Variants in EML5 observed in about 807,000 individuals in gnomAD.
The protein encoded by EML5 is echinoderm microtubule-associated protein-like 5.
EML5 carries 120 observed loss-of-function variants against 250.0 expected under a neutral mutation model. The ratio of observed to expected loss-of-function variants is 0.48; its 90% CI spans 0.41 to 0.56. The LOEUF is 0.56. EML5 is among the 20% of genes least tolerant of loss of function. The pLI, the probability that EML5 is intolerant of heterozygous loss-of-function variation, is 0.00. For synonymous variants in EML5, 771 were observed against 806.5 expected (o/e 0.96, Z 0.75); for missense variants, 2,006 against 2,437.6 (o/e 0.82, Z 3.73).
chr14:88,621,039 T>C (rs2088823163), intron 38 of EML5, 74 bp downstream of exon 38: 1 of 1,502,744 alleles, frequency 6.7e-7, no homozygotes, highest in Admixed American at 2.3e-5. Flanking sequence ...GTTCTTTAAG[T>C]ACTAGCAATT....
At chr14:88,706,630 A>G (rs1172240432) in intron 10 of EML5, among the ~76,000 whole-genome samples, 1 of 152,188 alleles carries the variant, frequency 6.6e-6, no homozygotes, top group Non-Finnish European at 1.5e-5. Context: ...AAGGAACCAC[A>G]AAGGCTGTGA....
At chr14:88,693,270 G>A (rs1273420362) in intron 17 of EML5, among the ~76,000 whole-genome samples, 2 of 152,150 alleles carry the variant, frequency 1.3e-5, no homozygotes. Context: ...ACATACCCAG[G>A]ACTGGGTAAT....
At chr14:88,674,585 A>G (rs760608315) in intron 21 of EML5, among the ~76,000 whole-genome samples, 1 of 152,136 alleles carries the variant, frequency 6.6e-6, no homozygotes, top group Non-Finnish European at 1.5e-5. Flanking sequence ...TGAATTCGAG[A>G]TGAGATTTGG....
At chr14:88,674,381 C>T (rs758715872) in intron 21 of EML5, among the ~76,000 whole-genome samples, 5 of 152,164 alleles carry the variant, frequency 3.3e-5, no homozygotes, top group Non-Finnish European at 7.3e-5. Context: ...ATGAAACTTA[C>T]AATCATAGCA....
intron 1 of EML5, among the ~76,000 whole-genome samples, chr14:88,773,274 C>G (rs2094412952): frequency 6.6e-6 from 1 of 152,160 alleles, no homozygotes; most frequent in Non-Finnish European, 1.5e-5. Flanking sequence ...TTTTTCTGGA[C>G]TGATAATGCA....
At position 88,627,825 on chromosome 14, in the gene EML5, TAAAG is replaced by T. The variant is rs1242950965; in HGVS notation, c.4358-10_4358-7del. On this transcript the variant is annotated splice_region_variant and splice_polypyrimidine_tract_variant and intron_variant, in intron 33 of 43. Coordinates refer to ENST00000554922, the MANE Select transcript of EML5 (RefSeq NM_183387.3). ...GTGAATAGAAGGAGCTGTAGCTAAA[TAAAG>T]ATAGTATCAAAAAGTTGTAATCTAC... The T allele has an allele frequency of 1.3e-6, 2 of 1,570,080 alleles. No individual in the cohort carries two copies. The highest frequency in any genetic ancestry group is 1.3e-5 in the African/African-American group (1 of 74,116).
Position 88,645,848 on chromosome 14 carries a change from T to C in EML5, c.4028+1099A>G, listed in dbSNP as rs76575263. 8.8e-3 allele frequency among the ~76,000 whole-genome samples: 1,336 copies of C among 152,296 alleles called. 19 individuals carry two copies. The highest frequency in any genetic ancestry group is 0.015 in the Non-Finnish European group (988 of 68,014). ...TACACAGTAGCTGTCAAATCTCAAA[T>C]CTAGCCCCTCTTCTCTGTTCAGGAT... On this transcript the variant is annotated intron_variant, in intron 29 of 43. Coordinates refer to ENST00000554922, the MANE Select transcript of EML5 (RefSeq NM_183387.3).
At chr14:88,651,279 TGTAAA>T (rs2091614740) in intron 27 of EML5, among the ~76,000 whole-genome samples, 1 of 151,772 alleles carries the variant, frequency 6.6e-6, no homozygotes, top group Non-Finnish European at 1.5e-5. Flanking sequence ...GGGTTGAAAT[TGTAAA>T]GTAAATTGAG....
chr14:88,642,852 TA>T (rs1417556184), intron 31 of EML5, 40 bp downstream of exon 31: 7 of 1,553,766 alleles, frequency 4.5e-6, no homozygotes, highest in Admixed American at 4.4e-5. Context: ...ATTTCTAAGT[TA>T]AAAAAATTGA....
intron 40 of EML5, 38 bp from the exon 41 acceptor site, chr14:88,618,369 A>AAAT (rs1411479479): frequency 1.3e-6 from 2 of 1,566,456 alleles, no homozygotes; most frequent in Non-Finnish European, 1.8e-6. Context: ...GAATTCCATT[A>AAAT]GGTGAGAGAC....
chr14:88,641,625 C>A (rs866011615), intron 31 of EML5, among the ~76,000 whole-genome samples: 2 of 152,100 alleles, frequency 1.3e-5, no homozygotes, highest in Non-Finnish European at 2.9e-5. Context: ...TCCAACATCC[C>A]TTTCATGTTA....
At chr14:88,688,226 C>A in intron 18 of EML5, 45 bp downstream of exon 18, 1 of 1,603,834 alleles carries the variant, frequency 6.2e-7, no homozygotes. Context: ...GCTCTACACT[C>A]CAGGACAAAT....
intron 1 of EML5, among the ~76,000 whole-genome samples, chr14:88,761,921 G>C (rs2094250246): frequency 6.6e-6 from 1 of 152,134 alleles, no homozygotes; most frequent in Non-Finnish European, 1.5e-5. Flanking sequence ...CTGTGGTTTT[G>C]ACTTGTGTTG....
intron 1 of EML5, among the ~76,000 whole-genome samples, chr14:88,772,370 G>C: frequency 6.6e-6 from 1 of 152,110 alleles, no homozygotes; most frequent in Non-Finnish European, 1.5e-5. Context: ...ACATAAATCT[G>C]ATCTCATCAT....
Position 88,792,816 on chromosome 14 carries a change from G to A in EML5, c.-313C>T. 1 of 914,638 alleles carries A rather than the reference G, an allele frequency of 1.1e-6. No individual in the cohort carries two copies. The allele number at this position is 914,638 out of a possible 1,614,324, so 56.7% of individuals were successfully genotyped here. ...CCGTAGCGCCTGGGCCGAGAGCGAG[G>A]GCCCGCCTCCAGCTCCTCAGCCGCC... is the stretch of plus-strand genomic sequence containing the variant. On this transcript the variant is annotated 5_prime_UTR_variant, in exon 1 of 44. Transcript: ENST00000554922. This position sits in a 1 kb window ranked among gnomAD's most constrained non-coding sequence, Gnocchi z 6.9.
At position 88,722,117 on chromosome 14, in the gene EML5, G is replaced by A. The variant is rs886880274; in HGVS notation, c.1187+4424C>T. On this transcript the variant is annotated intron_variant, in intron 8 of 43. Transcript: ENST00000554922. ...ATTATTAAAAAGTCAATAAACAACA[G>A]ATGCTGGTGAGGTTGAAGAGAAATA... is the stretch of plus-strand genomic sequence containing the variant. Among the ~76,000 whole-genome samples the A allele has an allele frequency of 2.0e-5, 3 of 152,180 alleles. No individual in the cohort carries two copies. The East Asian group carries it at 5.8e-4, about 29-fold the overall frequency.
chr14:88,621,068 T>A, intron 38 of EML5, 45 bp downstream of exon 38: 1 of 1,557,554 alleles, frequency 6.4e-7, no homozygotes, highest in Non-Finnish European at 8.7e-7. Context: ...CCAACTTTTC[T>A]TTTTAGAAGT....
At chr14:88,668,329 A>G (rs2141015746) in intron 21 of EML5, among the ~76,000 whole-genome samples, 1 of 152,302 alleles carries the variant, frequency 6.6e-6, no homozygotes, top group Middle Eastern at 3.4e-3. Context: ...AGAGTGCAGG[A>G]AGAAGAGATA....
At chr14:88,694,953 A>G (rs1035527374) in intron 16 of EML5, among the ~76,000 whole-genome samples, 7 of 152,100 alleles carry the variant, frequency 4.6e-5, no homozygotes, top group Admixed American at 1.3e-4. Flanking sequence ...AACTTAGAAA[A>G]TGAAGAAAAA....
Sources: allele counts gnomAD v4.1 joint callset (sites outside exome capture counted in the v4.1 genomes callset), GRCh38; gene constraint gnomAD v4.1.1; non-coding constraint Gnocchi (gnomAD v3.1); transcripts MANE v1.5; gene names NCBI Gene and HGNC (gene_info 2026-07-23, HGNC 2026-07-21).